The following PPARGC1A variants were observed in gnomAD, a reference collection of about 807,000 sequenced individuals.
PPARGC1A encodes the protein peroxisome proliferator-activated receptor gamma coactivator 1-alpha.
PPARGC1A carries 25 observed loss-of-function variants against 88.7 expected under a neutral mutation model. The ratio of observed to expected loss-of-function variants is 0.28; its 90% CI spans 0.21 to 0.39. The LOEUF (loss-of-function observed/expected upper bound fraction) is 0.39, where lower values mean the gene tolerates loss of function less well. Ranked by LOEUF, PPARGC1A falls within the 10% of genes least tolerant of loss-of-function variation. The pLI, the probability that PPARGC1A is intolerant of heterozygous loss-of-function variation, is 1.00. For synonymous variants in PPARGC1A, 363 were observed against 355.6 expected, an observed-to-expected ratio of 1.02 and a Z score of -0.24; for missense variants, 880 against 968.7, an observed-to-expected ratio of 0.91 and a Z score of 1.22.
rs1219549928 is a variant in PPARGC1A, at chr4:23,792,937, C to T, written c.*2885G>A. On this transcript the variant is annotated 3_prime_UTR_variant, in exon 13 of 13. Transcript: ENST00000264867. ...CTTCATGGTAACAATATTTGTCAGG[C>T]TGGGGGTAGGGGGGATAAATTAATC... 6.6e-6 allele frequency: 1 copy of T among 152,210 alleles called. No individual in the cohort carries two copies. Among genetic ancestry groups the T allele is most frequent in the Non-Finnish European group, 1.5e-5 (1 of 68,012 alleles). The allele number at this position is 152,210 out of a possible 1,614,324, so 9.4% of individuals were successfully genotyped here.
chr4:24,348,585 G>C, the PPARGC1A span, among the ~76,000 whole-genome samples: 1 of 152,036 alleles, frequency 6.6e-6, no homozygotes, highest in Admixed American at 6.5e-5. Context: ...TCTTCTGGTT[G>C]TTCAATTCTA....
At chr4:24,289,931 TG>T in the PPARGC1A span, among the ~76,000 whole-genome samples, 1 of 152,132 alleles carries the variant, frequency 6.6e-6, no homozygotes, top group Non-Finnish European at 1.5e-5. Flanking sequence ...TCCACATGGC[TG>T]GGGGGGCCTC....
At chr4:23,915,798 T>C in the PPARGC1A span, among the ~76,000 whole-genome samples, 1 of 152,190 alleles carries the variant, frequency 6.6e-6, no homozygotes, top group South Asian at 2.1e-4. Flanking sequence ...GACAATAGCC[T>C]GACAATTCAT....
the PPARGC1A span, among the ~76,000 whole-genome samples, chr4:24,117,022 C>A: frequency 1.3e-5 from 2 of 150,600 alleles, no homozygotes; most frequent in African/African-American, 2.5e-5. Context: ...AAACAATGAA[C>A]AAAAGCATGC....
At chr4:24,325,975 A>G in the PPARGC1A span, among the ~76,000 whole-genome samples, 1 of 152,138 alleles carries the variant, frequency 6.6e-6, no homozygotes, top group Non-Finnish European at 1.5e-5. Flanking sequence ...TTAGGCCGAG[A>G]TATTTTAACC....
At chr4:24,271,626 C>G in the PPARGC1A span, among the ~76,000 whole-genome samples, 1 of 152,156 alleles carries the variant, frequency 6.6e-6, no homozygotes, top group Non-Finnish European at 1.5e-5. Context: ...ATCCACCCAC[C>G]TCAGCCTCCC....
the PPARGC1A span, among the ~76,000 whole-genome samples, chr4:24,204,373 C>T: frequency 5.9e-5 from 9 of 152,000 alleles, no homozygotes; most frequent in Admixed American, 6.6e-5. Context: ...GTATTCGTCA[C>T]CATTGTATCT....
the PPARGC1A span, among the ~76,000 whole-genome samples, chr4:24,303,788 GAAA>G: frequency 6.6e-6 from 1 of 151,792 alleles, no homozygotes; most frequent in Non-Finnish European, 1.5e-5. Context: ...AAAAGAAGAA[GAAA>G]AAAAAGCAAA....
At chr4:24,419,209 T>G in the PPARGC1A span, among the ~76,000 whole-genome samples, 1 of 151,848 alleles carries the variant, frequency 6.6e-6, no homozygotes, top group South Asian at 2.1e-4. Flanking sequence ...TTCCAGCAGA[T>G]GAACACCAAA....
the PPARGC1A span, among the ~76,000 whole-genome samples, chr4:23,998,945 T>C: frequency 1.3e-5 from 2 of 152,234 alleles, no homozygotes; most frequent in East Asian, 3.9e-4. Flanking sequence ...AAATCAGAAA[T>C]GTAGACGCTT....
the PPARGC1A span, among the ~76,000 whole-genome samples, chr4:24,427,527 G>A: frequency 1.3e-5 from 2 of 152,092 alleles, no homozygotes; most frequent in Admixed American, 6.5e-5. Context: ...CGATCCACCC[G>A]TGACCTATCC....
chr4:23,988,124 T>C, the PPARGC1A span, among the ~76,000 whole-genome samples: 26 of 152,218 alleles, frequency 1.7e-4, no homozygotes, highest in East Asian at 4.8e-3. Context: ...ACTCATCCTT[T>C]TTTATGGCTG....
the PPARGC1A span, among the ~76,000 whole-genome samples, chr4:24,057,546 T>C: frequency 6.6e-6 from 1 of 151,768 alleles, no homozygotes; most frequent in Non-Finnish European, 1.5e-5. Context: ...GTATTTAGCA[T>C]AGTGCTGGCC....
At chr4:24,183,029 G>A in the PPARGC1A span, among the ~76,000 whole-genome samples, 147 of 152,206 alleles carry the variant, frequency 9.7e-4, no homozygotes, top group Non-Finnish European at 5.6e-4. Flanking sequence ...CCTCGGGCTC[G>A]GAGAAGTGCT....
the PPARGC1A span, among the ~76,000 whole-genome samples, chr4:24,369,822 G>A: frequency 1.2e-4 from 18 of 152,290 alleles, no homozygotes; most frequent in Admixed American, 1.3e-4. Flanking sequence ...TTTCGTGCCC[G>A]CCAACCCTCC....
chr4:23,999,652 G>C, the PPARGC1A span, among the ~76,000 whole-genome samples: 1 of 152,178 alleles, frequency 6.6e-6, no homozygotes, highest in African/African-American at 2.4e-5. Context: ...TCATTGGCAG[G>C]TAACGAGAGG....
At chr4:24,315,826 G>A in the PPARGC1A span, among the ~76,000 whole-genome samples, 70,742 of 151,948 alleles carry the variant, frequency 0.47, 17,607 homozygotes, top group African/African-American at 0.64. Context: ...TCTAAGGCTC[G>A]CATCATTTGT....
chr4:23,939,107 T>G, the PPARGC1A span, among the ~76,000 whole-genome samples: 2 of 152,140 alleles, frequency 1.3e-5, no homozygotes, highest in African/African-American at 2.4e-5. Flanking sequence ...ACCATACAAT[T>G]ACTCAAATAA....
At chr4:24,063,726 T>A in the PPARGC1A span, among the ~76,000 whole-genome samples, 1 of 152,146 alleles carries the variant, frequency 6.6e-6, no homozygotes, top group Non-Finnish European at 1.5e-5. Flanking sequence ...TGCAGGCAGA[T>A]GCTGTTCGAG....
Sources: allele counts gnomAD v4.1 joint callset (sites outside exome capture counted in the v4.1 genomes callset), GRCh38; gene constraint gnomAD v4.1.1; transcripts MANE v1.5; gene names NCBI Gene and HGNC (gene_info 2026-07-23, HGNC 2026-07-21).